Variants in CA10 observed in about 807,000 individuals in gnomAD.
CA10 encodes carbonic anhydrase 10 (inactive).
A neutral mutation model predicts 44.2 loss-of-function variants in CA10; 14 were observed. The ratio of observed to expected loss-of-function variants is 0.32; its 90% CI spans 0.21 to 0.50. The LOEUF (loss-of-function observed/expected upper bound fraction) is 0.50, where lower values mean the gene tolerates loss of function less well. CA10 is among the 20% of genes least tolerant of loss of function. CA10 has a pLI of 0.99. For missense variants in CA10, 350 were observed against 409.7 expected (o/e 0.85, Z 1.26); for synonymous variants, 159 against 141.6 (o/e 1.12, Z -0.87).
rs1912517741 is a variant in CA10 at position 51,630,451 on chromosome 17, C to CCTT, written c.*1130_*1132dup. 6.6e-6 allele frequency: 1 copy of CCTT among 152,612 alleles called. No homozygotes were observed. Among genetic ancestry groups the CCTT allele is most frequent in the South Asian group, 2.1e-4 (1 of 4,836 alleles). The allele number at this position is 152,612 out of a possible 1,614,324, so 9.5% of individuals were successfully genotyped here. ...GCTGCACCTGGAGAGAAAACATACC[C>CCTT]CTTTCCCAGGAACTTACAAGGCAAA... On this transcript the variant is annotated 3_prime_UTR_variant, in exon 9 of 9. Coordinates refer to ENST00000451037, the MANE Select transcript of CA10 (RefSeq NM_020178.5).
At chr17:51,648,852 T>G (rs564518137) in intron 6 of CA10, among the ~76,000 whole-genome samples, 2 of 152,182 alleles carry the variant, frequency 1.3e-5, no homozygotes, top group African/African-American at 2.4e-5. Flanking sequence ...AATCCCGTAA[T>G]TGGCAAAGCC....
chr17:51,804,848 A>G (rs1907068275), intron 3 of CA10, among the ~76,000 whole-genome samples: 1 of 152,240 alleles, frequency 6.6e-6, no homozygotes, highest in Non-Finnish European at 1.5e-5. Context: ...AGGGTTTTAA[A>G]GCATAGATTT....
intron 3 of CA10, among the ~76,000 whole-genome samples, chr17:51,764,038 A>T (rs1905286724): frequency 6.6e-6 from 1 of 151,416 alleles, no homozygotes. Context: ...AAAAAAAAAA[A>T]ACTCTACAAA....
At position 51,630,598 on chromosome 17, in the gene CA10, T is replaced by TAAAGTC. The variant is rs1912526901; in HGVS notation, c.*980_*985dup. 6.6e-6 allele frequency: 1 copy of TAAAGTC among 152,612 alleles called. No homozygotes were observed. The highest frequency in any genetic ancestry group is 1.5e-5 in the Non-Finnish European group (1 of 68,020). 9.5% of individuals were successfully genotyped at this position (152,612 alleles called of 1,614,324 possible). On this transcript the variant is annotated 3_prime_UTR_variant, in exon 9 of 9. Transcript: ENST00000451037. The stretch of plus-strand genomic sequence containing the variant: ...GAATGATTGAGCCATGGAGTGGAAT[T>TAAAGTC]AAAGTCATACTTGCTTAGCAAATGC...
chr17:51,794,779 G>A (rs1906645802), intron 3 of CA10, among the ~76,000 whole-genome samples: 1 of 152,108 alleles, frequency 6.6e-6, no homozygotes, highest in African/African-American at 2.4e-5. Flanking sequence ...AAACTAAAGA[G>A]TACAACCCAG....
chr17:52,063,914 G>A (rs534438923), intron 2 of CA10, among the ~76,000 whole-genome samples: 1 of 152,278 alleles, frequency 6.6e-6, no homozygotes, highest in East Asian at 1.9e-4. Flanking sequence ...GAGTATAATG[G>A]AATTTCACTT....
chr17:51,982,303 G>A (rs1984677750), intron 2 of CA10, among the ~76,000 whole-genome samples: 2 of 151,926 alleles, frequency 1.3e-5, no homozygotes, highest in Non-Finnish European at 2.9e-5. Flanking sequence ...AGTGAAGTTA[G>A]GAAGACTCTC....
intron 2 of CA10, among the ~76,000 whole-genome samples, chr17:52,016,513 T>C (rs1183338433): frequency 6.6e-6 from 1 of 152,026 alleles, no homozygotes; most frequent in East Asian, 1.9e-4. Flanking sequence ...TGGGGTCTAG[T>C]GGGAGGTGTT....
chr17:51,882,946 G>A (rs1980441416), intron 3 of CA10, among the ~76,000 whole-genome samples: 2 of 152,064 alleles, frequency 1.3e-5, no homozygotes, highest in Admixed American at 1.3e-4. Context: ...ATATAATCCT[G>A]GCTGGGTACA....
intron 3 of CA10, among the ~76,000 whole-genome samples, chr17:51,790,515 T>C (rs1906477611): frequency 6.6e-6 from 1 of 152,238 alleles, no homozygotes; most frequent in Admixed American, 6.5e-5. Flanking sequence ...CTGCTATTTG[T>C]CTACCTTGAA....
intron 3 of CA10, among the ~76,000 whole-genome samples, chr17:51,756,574 A>G (rs1424827378): frequency 1.4e-5 from 2 of 146,848 alleles, no homozygotes; most frequent in Admixed American, 7.0e-5. Context: ...GGTTCACGCC[A>G]TTCTCCTGCT....
chr17:52,081,609 G>A (rs1193839877), intron 1 of CA10, among the ~76,000 whole-genome samples: 1 of 151,930 alleles, frequency 6.6e-6, no homozygotes, highest in Non-Finnish European at 1.5e-5. Context: ...GACCATCCCG[G>A]CTAAAACGGT....
At chr17:51,942,803 A>C (rs912075441) in intron 2 of CA10, among the ~76,000 whole-genome samples, 1 of 152,064 alleles carries the variant, frequency 6.6e-6, no homozygotes, top group Non-Finnish European at 1.5e-5. Flanking sequence ...CAATGTAAGG[A>C]TGATGTTACT....
chr17:52,152,186 T>A (rs895642042), intron 1 of CA10, among the ~76,000 whole-genome samples: 1 of 152,096 alleles, frequency 6.6e-6, no homozygotes, highest in Non-Finnish European at 1.5e-5. Flanking sequence ...GTGCTAGTTG[T>A]AGACATGCAA....
intron 4 of CA10, among the ~76,000 whole-genome samples, chr17:51,696,771 T>C (rs528644527): frequency 6.6e-6 from 1 of 152,326 alleles, no homozygotes; most frequent in Admixed American, 6.5e-5. Context: ...CCACAGATTT[T>C]GGCATGTTCT....
intron 3 of CA10, among the ~76,000 whole-genome samples, chr17:51,850,935 G>A (rs2143822900): frequency 6.6e-6 from 1 of 152,324 alleles, no homozygotes; most frequent in South Asian, 2.1e-4. Context: ...GCAGGTTATG[G>A]AGATCCTTTG....
At chr17:51,632,805 G>A (rs758238507) in intron 8 of CA10, among the ~76,000 whole-genome samples, 1 of 152,184 alleles carries the variant, frequency 6.6e-6, no homozygotes, top group African/African-American at 2.4e-5. Context: ...ATGTTTAGTA[G>A]TAAGCAGAAG....
chr17:51,788,617 T>A (rs1265377664), intron 3 of CA10, among the ~76,000 whole-genome samples: 2 of 152,194 alleles, frequency 1.3e-5, no homozygotes, highest in Non-Finnish European at 2.9e-5. Flanking sequence ...AATTATTATG[T>A]ATCAGCAAAA....
intron 1 of CA10, among the ~76,000 whole-genome samples, chr17:52,146,895 C>T (rs1989600842): frequency 6.6e-6 from 1 of 152,036 alleles, no homozygotes; most frequent in Non-Finnish European, 1.5e-5. Flanking sequence ...CCTTGTGACT[C>T]CCAAGTCACC....
Sources: allele counts gnomAD v4.1 joint callset (sites outside exome capture counted in the v4.1 genomes callset), GRCh38; gene constraint gnomAD v4.1.1; transcripts MANE v1.5; gene names NCBI Gene and HGNC (gene_info 2026-07-23, HGNC 2026-07-21).